ADGRB3: variants seen among roughly 807,000 people sequenced by gnomAD.
ADGRB3 encodes brain-specific angiogenesis inhibitor 3.
Under a neutral mutation model 193.4 loss-of-function variants are expected in ADGRB3, and 37 were observed. The observed-to-expected ratio is 0.19, with a 90% CI of 0.15 to 0.25. The LOEUF (loss-of-function observed/expected upper bound fraction) is 0.25, where lower values mean the gene tolerates loss of function less well. Ranked by LOEUF, ADGRB3 falls within the 10% of genes least tolerant of loss-of-function variation. The pLI, the probability that ADGRB3 is intolerant of heterozygous loss-of-function variation, is 1.00. For synonymous variants in ADGRB3, 690 were observed against 644.2 expected, an observed-to-expected ratio of 1.07 and a Z score of -1.08; for missense variants, 1,637 against 1,852.9, an observed-to-expected ratio of 0.88 and a Z score of 2.14.
At chr6:68,790,460 C>G (rs1468088076) in intron 3 of ADGRB3, among the ~76,000 whole-genome samples, 1 of 152,198 alleles carries the variant, frequency 6.6e-6, no homozygotes. Context: ...CAGCACGCAG[C>G]TTGAGATCTG....
intron 17 of ADGRB3, among the ~76,000 whole-genome samples, chr6:69,226,898 A>G (rs1427649310): frequency 2.0e-5 from 3 of 152,072 alleles, no homozygotes; most frequent in African/African-American, 7.2e-5. Context: ...CACCATTAAG[A>G]CCTCTTGAGG....
chr6:69,363,820 AAGT>A (rs1204232422), intron 29 of ADGRB3, among the ~76,000 whole-genome samples: 2 of 152,150 alleles, frequency 1.3e-5, no homozygotes. Flanking sequence ...ATGCATTGTC[AAGT>A]AGAATTATCA....
At chr6:68,743,315 A>C (rs2127342922) in intron 3 of ADGRB3, among the ~76,000 whole-genome samples, 1 of 149,790 alleles carries the variant, frequency 6.7e-6, no homozygotes, top group Non-Finnish European at 1.5e-5. Flanking sequence ...TGATTTCCTA[A>C]GTTGAGACAT....
At chr6:69,131,547 T>G (rs1351463346) in intron 17 of ADGRB3, among the ~76,000 whole-genome samples, 1 of 152,094 alleles carries the variant, frequency 6.6e-6, no homozygotes, top group Non-Finnish European at 1.5e-5. Flanking sequence ...TACTGTATAC[T>G]AAATACTATA....
chr6:68,947,903 T>C (rs1392025730), intron 6 of ADGRB3, among the ~76,000 whole-genome samples: 4 of 152,262 alleles, frequency 2.6e-5, no homozygotes, highest in Admixed American at 1.3e-4. Flanking sequence ...CTGAATTTGT[T>C]ACTCTTGAGA....
chr6:68,824,016 T>C (rs1767794836), intron 3 of ADGRB3, among the ~76,000 whole-genome samples: 1 of 152,204 alleles, frequency 6.6e-6, no homozygotes, highest in South Asian at 2.1e-4. Flanking sequence ...CGTGCATCGC[T>C]GTGGAATTCT....
intron 3 of ADGRB3, among the ~76,000 whole-genome samples, chr6:68,760,767 T>C (rs1171388548): frequency 2.6e-5 from 4 of 152,144 alleles, no homozygotes; most frequent in Non-Finnish European, 5.9e-5. Context: ...AAAACGTCAC[T>C]GGGTATGAAT....
chr6:69,251,464 A>G (rs1046322259), intron 20 of ADGRB3, among the ~76,000 whole-genome samples: 3 of 152,174 alleles, frequency 2.0e-5, no homozygotes, highest in Admixed American at 2.0e-4. Context: ...CTGTATAACC[A>G]GTGCTGAATA....
intron 30 of ADGRB3, among the ~76,000 whole-genome samples, chr6:69,375,904 C>T (rs1232063408): frequency 1.3e-5 from 2 of 151,842 alleles, no homozygotes; most frequent in African/African-American, 4.8e-5. Flanking sequence ...GATCGTGCCG[C>T]TGCCCTCCAG....
At chr6:68,639,793 G>A (rs956643933) in intron 3 of ADGRB3, among the ~76,000 whole-genome samples, 4 of 152,030 alleles carry the variant, frequency 2.6e-5, no homozygotes, top group African/African-American at 9.7e-5. Flanking sequence ...CATGTGAAGT[G>A]GATTTATAGA....
At chr6:69,155,403 G>C (rs1164521025) in intron 17 of ADGRB3, among the ~76,000 whole-genome samples, 1 of 152,108 alleles carries the variant, frequency 6.6e-6, no homozygotes, top group Non-Finnish European at 1.5e-5. Context: ...ACAGTGTTTT[G>C]TTTGCTTCCA....
chr6:69,358,669 T>C lies in ADGRB3; in HGVS notation c.3596-2200T>C, dbSNP rs567862110. On this transcript the variant is annotated intron_variant, in intron 28 of 31. Transcript: ENST00000370598. ...AAATTCACTTCCCTAAATGGCAGCA[T>C]TTCCATCTGATCATGCCAAATATTC... Among the ~76,000 whole-genome samples the C allele has an allele frequency of 3.0e-4, 45 of 152,022 alleles. No homozygotes were observed. In the South Asian group the frequency reaches 8.3e-3, roughly 28 times the overall value.
rs564428932 is a variant in ADGRB3, at chr6:69,327,983, G to C, written c.3035+94G>C. On this transcript the variant is annotated intron_variant, in intron 22 of 31. Transcript: ENST00000370598. Reference sequence around the variant, plus strand: ...TGCTGATGGCTTGCAGTTTATCATGGAATCATTAACAATGGTAGAAATTGC... The same window carrying C: ...TGCTGATGGCTTGCAGTTTATCATGCAATCATTAACAATGGTAGAAATTGC... 93 of 1,079,800 alleles carry C rather than the reference G, an allele frequency of 8.6e-5. 3 individuals carry two copies. The South Asian group carries it at 1.2e-3, about 14-fold the overall frequency. The allele number at this position is 1,079,800 out of a possible 1,614,324, so 66.9% of individuals were successfully genotyped here. A position where few individuals can be genotyped will look rare whatever the true frequency, so the allele number is the denominator to read the frequency against.
At chr6:69,121,324 T>A (rs988001386) in intron 17 of ADGRB3, among the ~76,000 whole-genome samples, 5 of 152,078 alleles carry the variant, frequency 3.3e-5, no homozygotes, top group African/African-American at 9.7e-5. Flanking sequence ...GGGTTGGGGG[T>A]AAGGTTATAG....
At chr6:69,261,678 TA>T (rs1766932185) in intron 20 of ADGRB3, among the ~76,000 whole-genome samples, 1 of 152,072 alleles carries the variant, frequency 6.6e-6, no homozygotes, top group Admixed American at 6.5e-5. Flanking sequence ...TGTGCAATAA[TA>T]TGTAACATTT....
chr6:68,673,742 G>A (rs1195427128), intron 3 of ADGRB3, among the ~76,000 whole-genome samples: 1 of 151,248 alleles, frequency 6.6e-6, no homozygotes, highest in Non-Finnish European at 1.5e-5. Flanking sequence ...CTTATTTTTT[G>A]TTACCCATTA....
At chr6:69,206,561 A>C (rs1442571679) in intron 17 of ADGRB3, among the ~76,000 whole-genome samples, 8 of 152,214 alleles carry the variant, frequency 5.3e-5, no homozygotes, top group Admixed American at 5.2e-4. Context: ...GTCTAACATA[A>C]TACAACTATC....
intron 3 of ADGRB3, among the ~76,000 whole-genome samples, chr6:68,675,014 G>A (rs78196447): frequency 8.9e-4 from 136 of 152,288 alleles, no homozygotes; most frequent in African/African-American, 3.2e-3. Flanking sequence ...TGTCCTTACT[G>A]TGTCTAACTG....
intron 17 of ADGRB3, among the ~76,000 whole-genome samples, chr6:69,079,485 A>T (rs574004656): frequency 1.6e-4 from 25 of 152,244 alleles, no homozygotes; most frequent in African/African-American, 5.8e-4. Context: ...AATGGGCAAA[A>T]GCTAGAAGCA....
Sources: allele counts gnomAD v4.1 joint callset (sites outside exome capture counted in the v4.1 genomes callset), GRCh38; gene constraint gnomAD v4.1.1; transcripts MANE v1.5; gene names NCBI Gene and HGNC (gene_info 2026-07-23, HGNC 2026-07-21).